Variants in NBAS observed in about 807,000 individuals in gnomAD.
NBAS encodes the protein NBAS subunit of NRZ tethering complex.
NBAS carries 219 observed loss-of-function variants against 302.5 expected under a neutral mutation model. The observed-to-expected ratio is 0.72, with a 90% CI of 0.65 to 0.81. The LOEUF is 0.81. Among genes scored for constraint, NBAS ranks in the 30% least tolerant of loss-of-function variants. NBAS has a pLI of 0.00. For missense variants in NBAS, 2,932 were observed against 2,841.6 expected (o/e 1.03, Z -0.72); for synonymous variants, 1,118 against 1,021.6 (o/e 1.09, Z -1.80).
chr2:15,467,412 T>C lies in NBAS; in HGVS notation c.2019-5A>G. ...TCCTTTTGTTCCAGTGTCAACCTGT[T>C]TTGAATAACTATGTTAGGCCACTTA... is the stretch of plus-strand genomic sequence containing the variant. On this transcript the variant is annotated splice_region_variant and splice_polypyrimidine_tract_variant and intron_variant, in intron 18 of 51. Coordinates refer to ENST00000281513, the MANE Select transcript of NBAS (RefSeq NM_015909.4). The C allele has an allele frequency of 6.2e-7, 1 of 1,608,520 alleles. No individual in the cohort carries two copies. Among genetic ancestry groups the C allele is most frequent in the African/African-American group, 1.3e-5 (1 of 74,906 alleles).
chr2:15,378,934 C>T (rs1184939232), intron 30 of NBAS, among the ~76,000 whole-genome samples: 1 of 152,086 alleles, frequency 6.6e-6, no homozygotes, highest in Non-Finnish European at 1.5e-5. Context: ...ATTTATTATG[C>T]TCTTTTAATT....
chr2:15,520,609 A>AT (rs1280442399), intron 9 of NBAS, among the ~76,000 whole-genome samples: 2 of 151,956 alleles, frequency 1.3e-5, no homozygotes, highest in South Asian at 2.1e-4. Context: ...ATGTCAGAGC[A>AT]TAAAAAAAAA....
chr2:15,271,461 G>A (rs1669318926), intron 44 of NBAS, among the ~76,000 whole-genome samples: 1 of 152,212 alleles, frequency 6.6e-6, no homozygotes, highest in Non-Finnish European at 1.5e-5. Flanking sequence ...AACGGTGGGA[G>A]TTGGAAAGGC....
At chr2:15,347,741 T>C (rs1455398215) in intron 35 of NBAS, among the ~76,000 whole-genome samples, 2 of 152,204 alleles carry the variant, frequency 1.3e-5, no homozygotes, top group Non-Finnish European at 2.9e-5. Flanking sequence ...TAATATACTC[T>C]AAGTGGTAGA....
At chr2:15,379,383 G>A (rs1190791102) in intron 30 of NBAS, among the ~76,000 whole-genome samples, 1 of 72,006 alleles carries the variant, frequency 1.4e-5, no homozygotes, top group Non-Finnish European at 3.5e-5. Flanking sequence ...CAGCAAAAAT[G>A]ACCATGGGAA....
At chr2:15,111,185 A>T in the NBAS span, among the ~76,000 whole-genome samples, 1 of 152,166 alleles carries the variant, frequency 6.6e-6, no homozygotes, top group South Asian at 2.1e-4. Flanking sequence ...TCTTAAAATG[A>T]CAAACCATGG....
At position 15,461,377 on chromosome 2, in the gene NBAS, A is replaced by G. The variant is rs10186975; in HGVS notation, c.2203-40T>C. 5,388 of 1,593,404 alleles carry G rather than the reference A, an allele frequency of 3.4e-3. 165 individuals carry two copies. The African/African-American group carries it at 0.064, about 19-fold the overall frequency. ...AGGGGTAAGTTTCTAATGTAAATCT[A>G]AGAAATAAAGGAGTGATTTTATATG... On this transcript the variant is annotated intron_variant, in intron 20 of 51. Coordinates refer to ENST00000281513, the MANE Select transcript of NBAS (RefSeq NM_015909.4).
At chr2:15,357,064 C>A (rs1673654704) in intron 32 of NBAS, among the ~76,000 whole-genome samples, 1 of 152,140 alleles carries the variant, frequency 6.6e-6, no homozygotes, top group South Asian at 2.1e-4. Flanking sequence ...ATCCCTCATC[C>A]CCACCACCAA....
chr2:14,927,290 G>A, the NBAS span, among the ~76,000 whole-genome samples: 5 of 152,212 alleles, frequency 3.3e-5, no homozygotes, highest in African/African-American at 1.2e-4. Context: ...CATTTCTCTG[G>A]AGAATCCTGA....
chr2:14,808,988 T>C, the NBAS span, among the ~76,000 whole-genome samples: 1 of 152,288 alleles, frequency 6.6e-6, no homozygotes, highest in Non-Finnish European at 1.5e-5. Context: ...CCCTAGAGAT[T>C]TGTGGAACTT....
Position 15,492,940 on chromosome 2 carries a change from T to C in NBAS, c.955-3918A>G, listed in dbSNP as rs575071287. On this transcript the variant is annotated intron_variant, in intron 11 of 51. Transcript: ENST00000281513. ...TCTGAGTGTCTGTTGGTGAGTAATA[T>C]GGTTTGGCTCTATATCCCCACCCAA... Among the ~76,000 whole-genome samples, 4 of 152,276 alleles carry C rather than the reference T, an allele frequency of 2.6e-5. No homozygotes were observed. In the South Asian group the frequency reaches 6.2e-4, roughly 24 times the overall value.
At chr2:15,529,911 TTAAAA>T (rs1293786283) in intron 9 of NBAS, among the ~76,000 whole-genome samples, 1 of 152,222 alleles carries the variant, frequency 6.6e-6, no homozygotes, top group Non-Finnish European at 1.5e-5. Context: ...AAGTGTTTTG[TTAAAA>T]TAAATTGTGT....
intron 35 of NBAS, among the ~76,000 whole-genome samples, chr2:15,344,750 G>A (rs947800435): frequency 3.9e-5 from 6 of 152,210 alleles, no homozygotes; most frequent in African/African-American, 9.6e-5. Context: ...GAACATCAAC[G>A]CGAAAATCCT....
chr2:15,366,577 T>C lies in NBAS; in HGVS notation c.3817+3A>G, dbSNP rs775699852. The C allele has an allele frequency of 5.0e-6, 8 of 1,612,178 alleles. No homozygotes were observed. The highest frequency in any genetic ancestry group is 5.1e-6 in the Non-Finnish European group (6 of 1,178,358). On this transcript the variant is annotated splice_donor_region_variant and intron_variant, in intron 32 of 51. Transcript: ENST00000281513. ...TCTGCAGTTTAGTACTCAAAAGACTTACCTGCAACCCTCAGCAGCTCAGCA... is the reference window on the plus strand; with the variant it reads ...TCTGCAGTTTAGTACTCAAAAGACTCACCTGCAACCCTCAGCAGCTCAGCA...
intron 44 of NBAS, among the ~76,000 whole-genome samples, chr2:15,239,388 C>A (rs866723435): frequency 3.6e-5 from 3 of 83,040 alleles, no homozygotes; most frequent in East Asian, 5.1e-4. Context: ...TGTATGTGTG[C>A]GTGTGTGTGT....
At chr2:15,548,620 G>A (rs556619961) in intron 6 of NBAS, among the ~76,000 whole-genome samples, 22 of 152,118 alleles carry the variant, frequency 1.4e-4, no homozygotes, top group Admixed American at 1.3e-4. Flanking sequence ...TCCAGCCTGC[G>A]CAACAGAGCA....
At chr2:15,049,878 C>T in the NBAS span, among the ~76,000 whole-genome samples, 3 of 152,188 alleles carry the variant, frequency 2.0e-5, no homozygotes, top group African/African-American at 7.2e-5. Context: ...GTGACAGAGG[C>T]AGACAAAAGC....
intron 9 of NBAS, among the ~76,000 whole-genome samples, chr2:15,534,299 T>A (rs1193631053): frequency 6.6e-6 from 1 of 152,116 alleles, no homozygotes; most frequent in Non-Finnish European, 1.5e-5. Flanking sequence ...GGTCCGGGGG[T>A]TAAAAGAGGA....
At chr2:15,520,514 G>A (rs1275668899) in intron 9 of NBAS, among the ~76,000 whole-genome samples, 1 of 151,908 alleles carries the variant, frequency 6.6e-6, no homozygotes. Flanking sequence ...CATAAAATAG[G>A]GGCCAGAAAA....
Sources: allele counts gnomAD v4.1 joint callset (sites outside exome capture counted in the v4.1 genomes callset), GRCh38; gene constraint gnomAD v4.1.1; transcripts MANE v1.5; gene names NCBI Gene and HGNC (gene_info 2026-07-23, HGNC 2026-07-21).